The following ANKMY1 variants were observed in gnomAD, a reference collection of about 807,000 sequenced individuals.
ANKMY1 encodes ankyrin repeat and MYND domain-containing protein 1.
A neutral mutation model predicts 102.0 loss-of-function variants in ANKMY1; 98 were observed. The ratio of observed to expected loss-of-function variants is 0.96; its 90% CI spans 0.82 to 1.14. The LOEUF is 1.14. Among genes scored for constraint, ANKMY1 ranks in the 50% most tolerant of loss-of-function variants. The pLI is 0.00. For synonymous variants in ANKMY1, 582 were observed against 559.9 expected, an observed-to-expected ratio of 1.04 and a Z score of -0.56; for missense variants, 1,330 against 1,347.6, an observed-to-expected ratio of 0.99 and a Z score of 0.20.
At chr2:240,530,084 G>A (rs1047477143) in intron 4 of ANKMY1, among the ~76,000 whole-genome samples, 1 of 152,202 alleles carries the variant, frequency 6.6e-6, no homozygotes, top group Non-Finnish European at 1.5e-5. Context: ...CTTGCTTCCA[G>A]GAACCCAGCA....
intron 3 of ANKMY1, 95 bp downstream of exon 3, chr2:240,554,771 G>A (rs1243476438): frequency 4.3e-6 from 6 of 1,408,908 alleles, no homozygotes; most frequent in Non-Finnish European, 5.9e-6. Flanking sequence ...CCTGTTGATG[G>A]GCCTAAAAGT....
Position 240,506,531 on chromosome 2 carries a change from T to C in ANKMY1, c.2526+1029A>G, listed in dbSNP as rs1249276675. ...TGGAAACAGCATCTCAAGATAAGTC[T>C]CAGTTCTTTTAAGTAAAGCTACCCT... On this transcript the variant is annotated intron_variant, in intron 13 of 17. Transcript: ENST00000401804. This position sits in a 1 kb window ranked among gnomAD's most constrained non-coding sequence, Gnocchi z 4.9. Among the ~76,000 whole-genome samples the C allele has an allele frequency of 6.6e-6, 1 of 152,138 alleles. No individual in the cohort carries two copies. Among genetic ancestry groups the C allele is most frequent in the Admixed American group, 6.5e-5 (1 of 15,284 alleles).
intron 8 of ANKMY1, chr2:240,523,682 A>G (rs1379389421): frequency 1.2e-6 from 1 of 836,294 alleles, no homozygotes; most frequent in African/African-American, 1.7e-5. Context: ...CTGGGGTGGC[A>G]CTGAAAACAG....
At chr2:240,492,037 G>T (rs913941795) in intron 15 of ANKMY1, among the ~76,000 whole-genome samples, 3 of 151,840 alleles carry the variant, frequency 2.0e-5, no homozygotes, top group Non-Finnish European at 2.9e-5. Flanking sequence ...TAGAGATAGG[G>T]TCTTGCTCTG....
intron 8 of ANKMY1, chr2:240,523,182 A>G (rs1004073117): frequency 6.6e-6 from 1 of 152,236 alleles, no homozygotes; most frequent in African/African-American, 2.4e-5. Context: ...GATTTAATGC[A>G]ATTTGTCATT....
downstream of ANKMY1, among the ~76,000 whole-genome samples, chr2:240,478,507 A>G (rs2075009753): frequency 6.6e-6 from 1 of 152,034 alleles, no homozygotes; most frequent in Admixed American, 6.5e-5. Flanking sequence ...CAGCTCACAC[A>G]GTTACGACCC....
rs567928322 is a variant in ANKMY1 at position 240,516,307 on chromosome 2, C to T, written c.2005-3365G>A. Among the ~76,000 whole-genome samples the T allele has an allele frequency of 1.3e-4, 20 of 152,256 alleles. 1 individual carries two copies. The South Asian group carries it at 4.1e-3, about 32-fold the overall frequency. On this transcript the variant is annotated intron_variant, in intron 9 of 17. Transcript: ENST00000401804. ...CAAGTTTTAAATTCAGTCTTCTTTA[C>T]CTCAAACTACCTTTTTGGGGGGTAT...
At position 240,479,623 on chromosome 2, in the gene ANKMY1, C is replaced by T; in HGVS notation, c.3079G>A (p.Glu1027Lys). 6.2e-7 allele frequency: 1 copy of T among 1,613,924 alleles called. No homozygotes were observed. Among genetic ancestry groups the T allele is most frequent in the African/African-American group, 1.3e-5 (1 of 75,052 alleles). ...CAGCTGCTGCTTCACTGGAATTCTT[C>T]TCTCCTCCTGGAAACTTGCTCCAGT... is the stretch of plus-strand genomic sequence containing the variant. ...TQLEQVSRRR[E>K]EFQ The change falls in exon 18 of 18, where the codon GAA (glutamate) becomes AAA (lysine). Residue 1027 changes from glutamate to lysine, a missense_variant. By Grantham distance (56) the Glu-to-Lys change is moderately conservative. Transcript: ENST00000401804.
At chr2:240,543,654 C>A (rs535508272) in intron 4 of ANKMY1, among the ~76,000 whole-genome samples, 4 of 152,022 alleles carry the variant, frequency 2.6e-5, no homozygotes, top group African/African-American at 7.2e-5. Flanking sequence ...ACCTAATATT[C>A]ACAGGTTATA....
intron 1 of ANKMY1, 134 bp from the exon 2 acceptor site, chr2:240,557,486 G>A: frequency 9.6e-7 from 1 of 1,036,826 alleles, no homozygotes. Flanking sequence ...CGGAGCCTGG[G>A]CCGCCACCCA....
intron 13 of ANKMY1, 139 bp downstream of exon 13, chr2:240,507,421 G>A: frequency 1.7e-6 from 1 of 590,204 alleles, no homozygotes. Flanking sequence ...GGGCCACCCA[G>A]CCCTTATACC....
chr2:240,476,157 T>A (rs2074836526), downstream of ANKMY1, among the ~76,000 whole-genome samples: 1 of 152,082 alleles, frequency 6.6e-6, no homozygotes, highest in East Asian at 1.9e-4. Context: ...ACAGATACAA[T>A]GAAACAGAAT....
At chr2:240,549,193 C>A (rs1327439308) in intron 4 of ANKMY1, among the ~76,000 whole-genome samples, 1 of 151,310 alleles carries the variant, frequency 6.6e-6, no homozygotes, top group Non-Finnish European at 1.5e-5. Context: ...CAGAACAGAG[C>A]CCTCAGAAAT....
chr2:240,545,450 C>T lies in ANKMY1; in HGVS notation c.480+7464G>A, dbSNP rs28822175. ...AAACTGGAAACTCTAAAAAGCAGAGCGCCTCTCCTCCTTCAAAGGAACGCA... is the reference window on the plus strand; with the variant it reads ...AAACTGGAAACTCTAAAAAGCAGAGTGCCTCTCCTCCTTCAAAGGAACGCA... On this transcript the variant is annotated intron_variant, in intron 4 of 17. Transcript: ENST00000401804. Among the ~76,000 whole-genome samples the T allele has an allele frequency of 4.3e-3, 651 of 152,316 alleles. 9 individuals are homozygous for T. The highest frequency in any genetic ancestry group is 0.014 in the African/African-American group (601 of 41,558).
intron 4 of ANKMY1, among the ~76,000 whole-genome samples, chr2:240,530,784 C>G (rs759374749): frequency 3.9e-5 from 6 of 152,070 alleles, no homozygotes; most frequent in Non-Finnish European, 5.9e-5. Context: ...TGTGATGACG[C>G]ACACCTGTAA....
At position 240,511,877 on chromosome 2, in the gene ANKMY1, C is replaced by T. The variant is rs146504646; in HGVS notation, c.2270G>A (p.Arg757Gln). Residue 757 changes from arginine (R) to glutamine (Q), a missense_variant, in exon 11 of 18, where the codon CGG (arginine) becomes CAG (glutamine). Transcript: ENST00000401804. ...TGCCCTCACCTTGTTGTCATCCTCCCGCTCGCAGGCCATGTGCAGAGCCGT... is the reference window on the plus strand; with the variant it reads ...TGCCCTCACCTTGTTGTCATCCTCCTGCTCGCAGGCCATGTGCAGAGCCGT... ...GRTALHMACE[R>Q]EDDNKCARDI... 508 of 1,590,268 alleles carry T rather than the reference C, an allele frequency of 3.2e-4. 7 individuals are homozygous for T. The East Asian group carries it at 0.011, about 34-fold the overall frequency.
the ANKMY1 span, among the ~76,000 whole-genome samples, chr2:240,472,268 C>CA: frequency 6.6e-6 from 1 of 151,954 alleles, no homozygotes; most frequent in African/African-American, 2.4e-5. Context: ...TCTACGGCCG[C>CA]ACGCGGGGAG....
upstream of ANKMY1, chr2:240,560,936 C>A: frequency 6.5e-7 from 1 of 1,538,076 alleles, no homozygotes; most frequent in Non-Finnish European, 8.7e-7. Flanking sequence ...ACCTGGAGCC[C>A]ACGTGCGCCG....
In ANKMY1 at chr2:240,541,862, G is replaced by A. The variant is rs115447099; in HGVS notation, c.480+11052C>T. ...GTCTGTTTCAGGTGATGTTCTTCTG[G>A]GGTGCTGTTTGGCCCAAGTGCTCTT... On this transcript the variant is annotated intron_variant, in intron 4 of 17. Coordinates refer to ENST00000401804, the MANE Select transcript of ANKMY1 (RefSeq NM_001282771.3). 8.2e-3 allele frequency among the ~76,000 whole-genome samples: 1,243 copies of A among 152,128 alleles called. 14 individuals are homozygous for A. Among genetic ancestry groups the A allele is most frequent in the Non-Finnish European group, 0.011 (774 of 67,994 alleles).
Sources: allele counts gnomAD v4.1 joint callset (sites outside exome capture counted in the v4.1 genomes callset), GRCh38; gene constraint gnomAD v4.1.1; non-coding constraint Gnocchi (gnomAD v3.1); transcripts MANE v1.5; gene names NCBI Gene and HGNC (gene_info 2026-07-23, HGNC 2026-07-21).